Variants in TTC28 observed in about 807,000 individuals in gnomAD.
TTC28 encodes tetratricopeptide repeat domain 28, also known as tetratricopeptide repeat protein 28.
TTC28 carries 61 observed loss-of-function variants against 198.0 expected under a neutral mutation model. The observed-to-expected ratio is 0.31, with a 90% CI of 0.25 to 0.38. The LOEUF (loss-of-function observed/expected upper bound fraction) is 0.38. Ranked by LOEUF, TTC28 falls within the 10% of genes least tolerant of loss-of-function variation. The pLI, the probability that TTC28 is intolerant of heterozygous loss-of-function variation, is 1.00. For missense variants in TTC28, 2,678 were observed against 3,164.0 expected, an observed-to-expected ratio of 0.85 and a Z score of 3.69; for synonymous variants, 1,171 against 1,297.8, an observed-to-expected ratio of 0.90 and a Z score of 2.10.
At chr22:28,372,001 AT>A (rs772525774) in intron 2 of TTC28, among the ~76,000 whole-genome samples, 6 of 151,520 alleles carry the variant, frequency 4.0e-5, no homozygotes, top group African/African-American at 7.3e-5. Context: ...AGGTGGGAGG[AT>A]TGCTTGATCC....
chr22:28,289,222 T>G (rs1444031113), intron 5 of TTC28, among the ~76,000 whole-genome samples: 2 of 152,100 alleles, frequency 1.3e-5, no homozygotes, highest in East Asian at 3.9e-4. Flanking sequence ...GAGGGCTCAG[T>G]CAACAGAGTT....
chr22:28,385,139 C>CAA (rs695792), intron 2 of TTC28, among the ~76,000 whole-genome samples: 48 of 99,540 alleles, frequency 4.8e-4, no homozygotes, highest in Non-Finnish European at 9.9e-4. Context: ...GAAACTCCGT[C>CAA]AAAAAAAAAA....
At chr22:28,026,050 G>A (rs768808480) in intron 13 of TTC28, among the ~76,000 whole-genome samples, 2 of 152,182 alleles carry the variant, frequency 1.3e-5, no homozygotes, top group Non-Finnish European at 2.9e-5. Context: ...GTCCTCCTGT[G>A]TATTACAGTC....
At chr22:27,990,677 G>T in intron 20 of TTC28, 112 bp downstream of exon 20, 1 of 1,067,132 alleles carries the variant, frequency 9.4e-7, no homozygotes, top group Non-Finnish European at 1.3e-6. Context: ...AGCCCGTGTG[G>T]CTCCGTTTGA....
chr22:28,026,489 T>C (rs1938841377), intron 13 of TTC28, among the ~76,000 whole-genome samples: 1 of 152,076 alleles, frequency 6.6e-6, no homozygotes, highest in Admixed American at 6.5e-5. Flanking sequence ...CCCTGTTCTA[T>C]AGTCATGGAG....
chr22:28,379,971 C>T (rs909956215), intron 2 of TTC28, among the ~76,000 whole-genome samples: 2 of 151,672 alleles, frequency 1.3e-5, no homozygotes, highest in South Asian at 4.2e-4. Context: ...AGGACATCCA[C>T]GGGAAAACTA....
intron 5 of TTC28, among the ~76,000 whole-genome samples, chr22:28,181,262 T>G (rs181777235): frequency 1.3e-5 from 2 of 152,360 alleles, no homozygotes; most frequent in Middle Eastern, 3.4e-3. Context: ...ACAGCATTAA[T>G]ACAGCAATGT....
intron 16 of TTC28, among the ~76,000 whole-genome samples, chr22:27,997,199 G>A (rs1234833275): frequency 2.6e-5 from 4 of 152,238 alleles, no homozygotes; most frequent in African/African-American, 4.8e-5. Context: ...GCAGCCCTCC[G>A]TGCCTGCTTG....
intron 2 of TTC28, among the ~76,000 whole-genome samples, chr22:28,617,909 G>A (rs2050927416): frequency 6.6e-6 from 1 of 152,160 alleles, no homozygotes. Flanking sequence ...TGAAACACAT[G>A]AGAAAGACCA....
chr22:28,064,473 T>C (rs1463077399), intron 12 of TTC28, among the ~76,000 whole-genome samples: 1 of 152,160 alleles, frequency 6.6e-6, no homozygotes, highest in African/African-American at 2.4e-5. Flanking sequence ...TCCATATCTC[T>C]GGCTGACCCC....
At chr22:28,210,949 T>C (rs892414501) in intron 5 of TTC28, among the ~76,000 whole-genome samples, 1 of 152,174 alleles carries the variant, frequency 6.6e-6, no homozygotes, top group Admixed American at 6.5e-5. Flanking sequence ...GGACAGAAAC[T>C]CTACAAGCCA....
At chr22:28,601,284 C>G (rs138302100) in intron 2 of TTC28, among the ~76,000 whole-genome samples, 2 of 152,102 alleles carry the variant, frequency 1.3e-5, no homozygotes, top group African/African-American at 4.8e-5. Context: ...CAAATGGTAG[C>G]CCATGATTTC....
intron 2 of TTC28, among the ~76,000 whole-genome samples, chr22:28,441,506 TAA>T (rs2047621361): frequency 6.6e-6 from 1 of 152,116 alleles, no homozygotes; most frequent in Non-Finnish European, 1.5e-5. Flanking sequence ...TTATAATATA[TAA>T]GAGATTCTTG....
intron 6 of TTC28, among the ~76,000 whole-genome samples, chr22:28,147,092 T>C (rs992604300): frequency 7.9e-5 from 12 of 152,210 alleles, no homozygotes; most frequent in African/African-American, 1.9e-4. Flanking sequence ...AGAACAGGCT[T>C]AGTCAGCAAT....
intron 12 of TTC28, among the ~76,000 whole-genome samples, chr22:28,093,216 A>G (rs904181574): frequency 6.6e-6 from 1 of 152,226 alleles, no homozygotes; most frequent in Non-Finnish European, 1.5e-5. Flanking sequence ...AGATCAGTCC[A>G]GCTGCTGGCA....
intron 13 of TTC28, among the ~76,000 whole-genome samples, chr22:28,014,913 T>C (rs1938302151): frequency 6.6e-6 from 1 of 152,264 alleles, no homozygotes; most frequent in Admixed American, 6.5e-5. Context: ...CCTGGCCCCA[T>C]GGCCTCATTG....
intron 2 of TTC28, among the ~76,000 whole-genome samples, chr22:28,445,593 C>T (rs941427448): frequency 1.3e-5 from 2 of 152,146 alleles, no homozygotes; most frequent in Non-Finnish European, 2.9e-5. Context: ...TTCCTATTCC[C>T]TTACTCAGCA....
chr22:28,428,544 T>C (rs542770089), intron 2 of TTC28, among the ~76,000 whole-genome samples: 22 of 152,296 alleles, frequency 1.4e-4, no homozygotes, highest in Admixed American at 2.6e-4. Flanking sequence ...TGTAAGCTCA[T>C]TGAGAATAGG....
chr22:28,674,265 GTTTT>G (rs943369337), intron 1 of TTC28, among the ~76,000 whole-genome samples: 3 of 107,662 alleles, frequency 2.8e-5, no homozygotes, highest in African/African-American at 6.9e-5. Context: ...TTTCTTTGTG[GTTTT>G]TTTTTTTTTT....
Sources: gnomAD v4.1 joint callset for allele counts (sites outside exome capture counted in the v4.1 genomes callset) on GRCh38, gnomAD v4.1.1 for gene constraint, MANE v1.5 for transcripts, NCBI Gene and HGNC (gene_info 2026-07-23, HGNC 2026-07-21) for gene names.